The following JAZF1 variants were observed in gnomAD, a reference collection of about 807,000 sequenced individuals.
JAZF1 encodes JAZF zinc finger 1.
In JAZF1, 8 loss-of-function variants were observed where a neutral mutation model predicts 26.4. The observed-to-expected ratio is 0.30, with a 90% CI of 0.18 to 0.55. JAZF1 has a LOEUF of 0.55. Ranked by LOEUF, JAZF1 falls within the 20% of genes least tolerant of loss-of-function variation. JAZF1 has a pLI of 0.94. For synonymous variants in JAZF1, 126 were observed against 122.3 expected (o/e 1.03, Z -0.20); for missense variants, 199 against 322.0 (o/e 0.62, Z 2.92).
intron 1 of JAZF1, among the ~76,000 whole-genome samples, chr7:28,086,549 GCA>G (rs1274500609): frequency 6.6e-6 from 1 of 152,142 alleles, no homozygotes; most frequent in East Asian, 1.9e-4. Flanking sequence ...ATATACATGT[GCA>G]CACACACAGT....
chr7:27,981,088 C>G (rs1785575002), intron 2 of JAZF1, among the ~76,000 whole-genome samples: 1 of 152,192 alleles, frequency 6.6e-6, no homozygotes, highest in South Asian at 2.1e-4. Context: ...TCCACTCAAT[C>G]TTTCTCTTCA....
chr7:28,064,041 G>C (rs1783840561), intron 1 of JAZF1, among the ~76,000 whole-genome samples: 1 of 151,714 alleles, frequency 6.6e-6, no homozygotes, highest in Admixed American at 6.6e-5. Context: ...TATTCTAAAA[G>C]GTCACACCAG....
chr7:27,887,562 C>T (rs1350879663), intron 3 of JAZF1, among the ~76,000 whole-genome samples: 11 of 151,860 alleles, frequency 7.2e-5, no homozygotes, highest in Non-Finnish European at 1.2e-4. Context: ...ATTACAGGTG[C>T]GCACCAACAT....
intron 1 of JAZF1, among the ~76,000 whole-genome samples, chr7:28,050,181 A>G (rs1044838912): frequency 2.0e-5 from 3 of 152,200 alleles, no homozygotes; most frequent in Non-Finnish European, 4.4e-5. Flanking sequence ...TTAAAGATAT[A>G]TTTAGCACCC....
At chr7:27,988,646 T>G (rs1165862188) in intron 2 of JAZF1, among the ~76,000 whole-genome samples, 1 of 152,052 alleles carries the variant, frequency 6.6e-6, no homozygotes, top group African/African-American at 2.4e-5. Context: ...CTCTCCAACA[T>G]CGGTTATTGT....
intron 1 of JAZF1, among the ~76,000 whole-genome samples, chr7:28,162,980 T>G (rs1300810461): frequency 6.6e-6 from 1 of 152,228 alleles, no homozygotes; most frequent in Non-Finnish European, 1.5e-5. Flanking sequence ...TTAGTGCCAT[T>G]GCAGATGAGA....
chr7:27,994,439 CACAAAAAAAAAAAA>C lies in JAZF1; in HGVS notation c.116-2472_116-2459del, dbSNP rs1318000128. Reference sequence around the variant, plus strand: ...AGCTTCCAAACACCACCCTCTCCATCACAAAAAAAAAAAAACAAAAAACAAAAAAAAACACACAC... The same window carrying C: ...AGCTTCCAAACACCACCCTCTCCATCACAAAAAACAAAAAAAAACACACAC... On this transcript the variant is annotated intron_variant, in intron 1 of 4. Transcript: ENST00000283928. Among the ~76,000 whole-genome samples the C allele has an allele frequency of 7.6e-4, 66 of 86,954 alleles. 2 individuals are homozygous for C. The highest frequency in any genetic ancestry group is 6.9e-3 in the Admixed American group (56 of 8,068). 57.0% of individuals were successfully genotyped at this position (86,954 alleles called of 152,430 possible).
At chr7:27,956,077 T>C (rs1008410774) in intron 2 of JAZF1, among the ~76,000 whole-genome samples, 4 of 152,096 alleles carry the variant, frequency 2.6e-5, no homozygotes, top group East Asian at 3.9e-4. Context: ...TTGGGTGGGA[T>C]GAGGTAGCAG....
intron 2 of JAZF1, among the ~76,000 whole-genome samples, chr7:27,963,140 A>G (rs1387486852): frequency 6.6e-6 from 1 of 152,246 alleles, no homozygotes; most frequent in African/African-American, 2.4e-5. Context: ...AATACATAAT[A>G]ATACAGAATT....
chr7:27,902,742 C>T lies in JAZF1; in HGVS notation c.189-7326G>A, dbSNP rs199. 5.5e-3 allele frequency among the ~76,000 whole-genome samples: 835 copies of T among 152,296 alleles called. 8 individuals are homozygous for T. Among genetic ancestry groups the T allele is most frequent in the East Asian group, 0.021 (109 of 5,172 alleles). ...TAAAAGAAGTGATTAACATGCTGGGCACGGTGGCTCACGCCTGTAATCCCA... is the reference window on the plus strand; with the variant it reads ...TAAAAGAAGTGATTAACATGCTGGGTACGGTGGCTCACGCCTGTAATCCCA... On this transcript the variant is annotated intron_variant, in intron 2 of 4. Coordinates refer to ENST00000283928, the MANE Select transcript of JAZF1 (RefSeq NM_175061.4).
chr7:27,887,617 T>C (rs973375075), intron 3 of JAZF1, among the ~76,000 whole-genome samples: 12 of 152,072 alleles, frequency 7.9e-5, no homozygotes, highest in African/African-American at 2.9e-4. Context: ...GGTTTTGCCA[T>C]GTTTGCCAGG....
intron 2 of JAZF1, among the ~76,000 whole-genome samples, chr7:27,961,661 A>C (rs1346840260): frequency 6.6e-6 from 1 of 152,262 alleles, no homozygotes; most frequent in Admixed American, 6.5e-5. Flanking sequence ...AGATTACAGA[A>C]GAATTCCTTT....
chr7:27,915,549 A>G (rs557479991), intron 2 of JAZF1, among the ~76,000 whole-genome samples: 1 of 152,360 alleles, frequency 6.6e-6, no homozygotes, highest in Non-Finnish European at 1.5e-5. Flanking sequence ...ATTAAAAATG[A>G]AGCAAGTTTT....
chr7:28,009,490 T>TC (rs1199705416), intron 1 of JAZF1, among the ~76,000 whole-genome samples: 1 of 151,454 alleles, frequency 6.6e-6, no homozygotes, highest in Non-Finnish European at 1.5e-5. Context: ...ACCATTGCTT[T>TC]TTTTTTTTTT....
intron 1 of JAZF1, among the ~76,000 whole-genome samples, chr7:28,063,154 T>C (rs1783827068): frequency 6.6e-6 from 1 of 152,250 alleles, no homozygotes; most frequent in South Asian, 2.1e-4. Context: ...GTTCTTTCTC[T>C]CTTCCACAGA....
At chr7:28,131,369 T>G (rs1042297456) in intron 1 of JAZF1, among the ~76,000 whole-genome samples, 4 of 152,158 alleles carry the variant, frequency 2.6e-5, no homozygotes, top group Admixed American at 2.0e-4. Context: ...ACTTTCTCCC[T>G]ATTGCCCCAT....
intron 2 of JAZF1, among the ~76,000 whole-genome samples, chr7:27,965,789 A>G (rs1785263548): frequency 6.6e-6 from 1 of 152,224 alleles, no homozygotes; most frequent in South Asian, 2.1e-4. Context: ...CCTTATCCCT[A>G]AAAGAAATTC....
chr7:27,962,114 T>C (rs936023732), intron 2 of JAZF1, among the ~76,000 whole-genome samples: 1 of 152,266 alleles, frequency 6.6e-6, no homozygotes, highest in Non-Finnish European at 1.5e-5. Flanking sequence ...ATGTGAATTC[T>C]TGAGAGTCTT....
intron 3 of JAZF1, among the ~76,000 whole-genome samples, chr7:27,884,664 T>C (rs1267004496): frequency 2.0e-5 from 3 of 152,212 alleles, no homozygotes; most frequent in African/African-American, 7.2e-5. Flanking sequence ...TTGAGATTCA[T>C]CCATTTGTTG....
Sources: allele counts gnomAD v4.1 joint callset (sites outside exome capture counted in the v4.1 genomes callset), GRCh38; gene constraint gnomAD v4.1.1; transcripts MANE v1.5; gene names NCBI Gene and HGNC (gene_info 2026-07-23, HGNC 2026-07-21).